RORA: variants seen among roughly 807,000 people sequenced by gnomAD.
RORA encodes the protein RAR related orphan receptor A, also known as nuclear receptor ROR-alpha.
RORA carries 7 observed loss-of-function variants against 69.5 expected under a neutral mutation model. That is an observed-to-expected ratio of 0.10 (90% CI 0.06 to 0.19). RORA has a LOEUF of 0.19. Ranked by LOEUF, RORA falls within the 10% of genes least tolerant of loss-of-function variation. RORA has a pLI of 1.00. For synonymous variants in RORA, 261 were observed against 240.8 expected, an observed-to-expected ratio of 1.08 and a Z score of -0.78; for missense variants, 457 against 663.0, an observed-to-expected ratio of 0.69 and a Z score of 3.41.
intron 2 of RORA, among the ~76,000 whole-genome samples, chr15:60,643,835 G>A (rs1282157524): frequency 6.6e-6 from 1 of 152,182 alleles, no homozygotes; most frequent in Non-Finnish European, 1.5e-5. Flanking sequence ...ACAAAAAGGT[G>A]TGAAATCATT....
chr15:60,802,099 G>A (rs7162615), intron 1 of RORA, among the ~76,000 whole-genome samples: 42,101 of 151,990 alleles, frequency 0.28, 6,073 homozygotes, highest in Admixed American at 0.36. Flanking sequence ...TGGGAAGTTG[G>A]GTAAAAACAG....
intron 2 of RORA, among the ~76,000 whole-genome samples, chr15:60,637,733 T>G (rs991078824): frequency 6.6e-6 from 1 of 152,178 alleles, no homozygotes; most frequent in Non-Finnish European, 1.5e-5. Flanking sequence ...AGATTATGTT[T>G]TGGGGTTTTC....
chr15:61,027,089 T>C (rs1011800024), intron 1 of RORA, among the ~76,000 whole-genome samples: 11 of 152,188 alleles, frequency 7.2e-5, no homozygotes, highest in African/African-American at 2.7e-4. Context: ...GGTTGAATTA[T>C]AAAAGCCTGT....
At chr15:60,535,500 G>T (rs1164147177) in intron 2 of RORA, among the ~76,000 whole-genome samples, 1 of 152,186 alleles carries the variant, frequency 6.6e-6, no homozygotes, top group Non-Finnish European at 1.5e-5. Context: ...GAATGCAAGG[G>T]TGCTAATTAA....
chr15:60,699,100 T>C (rs772150244), intron 1 of RORA, among the ~76,000 whole-genome samples: 6 of 152,162 alleles, frequency 3.9e-5, no homozygotes, highest in Non-Finnish European at 8.8e-5. Flanking sequence ...CTACCACTTA[T>C]TGATAATCAT....
intron 1 of RORA, among the ~76,000 whole-genome samples, chr15:60,772,953 T>A (rs1407846704): frequency 6.6e-6 from 1 of 152,248 alleles, no homozygotes; most frequent in East Asian, 1.9e-4. Flanking sequence ...TTAAGATTAA[T>A]CCCGCCAGGG....
intron 1 of RORA, among the ~76,000 whole-genome samples, chr15:61,059,995 GAAGAAGAAGAAGAAGAAGAA>G (rs2078157329): frequency 1.9e-4 from 21 of 108,552 alleles, no homozygotes; most frequent in East Asian, 1.9e-3. Context: ...AGAGGAAGAA[GAAGAAGAAGAAGAAGAAGAA>G]GAAGAAGAAG....
chr15:61,202,289 C>T (rs1447996876), intron 1 of RORA, among the ~76,000 whole-genome samples: 3 of 152,160 alleles, frequency 2.0e-5, no homozygotes, highest in Non-Finnish European at 4.4e-5. Context: ...GGATTACAGG[C>T]ATGAGACACT....
chr15:60,704,459 A>C (rs1264349564), intron 1 of RORA, among the ~76,000 whole-genome samples: 1 of 152,222 alleles, frequency 6.6e-6, no homozygotes, highest in Non-Finnish European at 1.5e-5. Context: ...GAGATGCAAA[A>C]AAAATAAAAA....
chr15:60,586,424 G>C (rs1038957318), intron 2 of RORA, among the ~76,000 whole-genome samples: 2 of 152,064 alleles, frequency 1.3e-5, no homozygotes, highest in Non-Finnish European at 2.9e-5. Context: ...AAAAGGACTG[G>C]AGAGGGACAG....
In RORA at chr15:61,083,333, G is replaced by A. The variant is rs561294465; in HGVS notation, c.166+145720C>T. 5.3e-5 allele frequency among the ~76,000 whole-genome samples: 8 copies of A among 152,236 alleles called. No individual in the cohort carries two copies. In the South Asian group the frequency reaches 1.2e-3, roughly 24 times the overall value. ...AAGTGCAAGATTAAGATTACAAAAC[G>A]CCTAGTTCCGGTAGGGATCAGAGAA... On this transcript the variant is annotated intron_variant, in intron 1 of 10. Coordinates refer to ENST00000335670, the MANE Select transcript of RORA (RefSeq NM_134261.3).
intron 1 of RORA, among the ~76,000 whole-genome samples, chr15:60,957,627 T>A (rs957386601): frequency 6.6e-6 from 1 of 152,188 alleles, no homozygotes; most frequent in African/African-American, 2.4e-5. Flanking sequence ...GAGGCAGAGA[T>A]GCACATATAC....
chr15:60,703,490 C>T (rs894680021), intron 1 of RORA, among the ~76,000 whole-genome samples: 5 of 152,126 alleles, frequency 3.3e-5, no homozygotes, highest in Non-Finnish European at 7.4e-5. Flanking sequence ...CGTGTTCATC[C>T]CTCTGCCTTA....
intron 1 of RORA, among the ~76,000 whole-genome samples, chr15:61,170,210 T>C (rs1365132238): frequency 6.6e-6 from 1 of 152,216 alleles, no homozygotes. Context: ...CTAACTGTTC[T>C]GAAAGTCAGA....
At chr15:60,860,423 G>A (rs2073426083) in intron 1 of RORA, among the ~76,000 whole-genome samples, 1 of 152,100 alleles carries the variant, frequency 6.6e-6, no homozygotes, top group Non-Finnish European at 1.5e-5. Context: ...CAGTAATAAG[G>A]GCTCTCAGTC....
intron 2 of RORA, among the ~76,000 whole-genome samples, chr15:60,644,792 C>T (rs1423045582): frequency 6.6e-6 from 1 of 152,162 alleles, no homozygotes; most frequent in African/African-American, 2.4e-5. Context: ...GCCACTTGGC[C>T]TAATGAACAT....
intron 1 of RORA, among the ~76,000 whole-genome samples, chr15:60,961,929 G>A (rs1204585198): frequency 2.6e-5 from 4 of 152,174 alleles, no homozygotes; most frequent in African/African-American, 4.8e-5. Context: ...GAAGGCCTGC[G>A]AATATATATG....
At chr15:60,871,505 T>C (rs1364135163) in intron 1 of RORA, among the ~76,000 whole-genome samples, 1 of 152,216 alleles carries the variant, frequency 6.6e-6, no homozygotes, top group Non-Finnish European at 1.5e-5. Context: ...GTAATGCCAT[T>C]CATCAAATAA....
intron 1 of RORA, among the ~76,000 whole-genome samples, chr15:61,155,978 T>C (rs962065991): frequency 3.3e-5 from 5 of 152,128 alleles, no homozygotes; most frequent in African/African-American, 1.2e-4. Context: ...ACCGTTGACG[T>C]CTCAGAACCC....
Sources: allele counts gnomAD v4.1 joint callset (sites outside exome capture counted in the v4.1 genomes callset), GRCh38; gene constraint gnomAD v4.1.1; transcripts MANE v1.5; gene names NCBI Gene and HGNC (gene_info 2026-07-23, HGNC 2026-07-21).